Variants in CRPPA observed in about 807,000 individuals in gnomAD.
CRPPA encodes CDP-L-ribitol pyrophosphorylase A.
Under a neutral mutation model 52.0 loss-of-function variants are expected in CRPPA, and 43 were observed. The observed-to-expected ratio is 0.83, with a 90% CI of 0.65 to 1.07. CRPPA has a LOEUF of 1.07. Among genes scored for constraint, CRPPA ranks in the 50% least tolerant of loss-of-function variants. The probability of loss-of-function intolerance (pLI) is 0.00; values close to 1 mark genes in which losing one functional copy is unlikely to be tolerated. For missense variants in CRPPA, 629 were observed against 551.7 expected (o/e 1.14, Z -1.40); for synonymous variants, 250 against 203.5 (o/e 1.23, Z -1.94).
At chr7:16,286,060 T>TAGAATATTTAAAAAAAAAA (rs1562608487) in intron 5 of CRPPA, among the ~76,000 whole-genome samples, 2 of 34,688 alleles carry the variant, frequency 5.8e-5, no homozygotes, top group Admixed American at 4.0e-4. Context: ...TATATATATA[T>TAGAATATTTAAAAAAAAAA]ATATATATAT....
At chr7:16,109,242 A>G (rs1319204364) in intron 9 of CRPPA, among the ~76,000 whole-genome samples, 1 of 151,896 alleles carries the variant, frequency 6.6e-6, no homozygotes, top group Non-Finnish European at 1.5e-5. Flanking sequence ...TACAACTGAT[A>G]ACACAAAAAT....
At chr7:16,332,438 A>G (rs138545478) in intron 3 of CRPPA, among the ~76,000 whole-genome samples, 184 of 152,312 alleles carry the variant, frequency 1.2e-3, no homozygotes, top group Non-Finnish European at 2.4e-3. Context: ...AGCAAAATGT[A>G]TTTCTTCTTA....
intron 9 of CRPPA, chr7:16,210,753 T>C (rs555403791): frequency 1.2e-4 from 19 of 152,178 alleles, no homozygotes; most frequent in African/African-American, 2.9e-4. Flanking sequence ...TTTAAAGAAA[T>C]TCGCTCATTA....
chr7:16,239,871 A>C (rs972464309), intron 8 of CRPPA, among the ~76,000 whole-genome samples: 24 of 152,280 alleles, frequency 1.6e-4, no homozygotes, highest in African/African-American at 3.8e-4. Context: ...AATCAAGAAA[A>C]ATTTACTCAT....
intron 5 of CRPPA, among the ~76,000 whole-genome samples, chr7:16,286,036 A>AATATAT (rs1784424841): frequency 1.1e-3 from 21 of 18,804 alleles, no homozygotes; most frequent in Non-Finnish European, 1.8e-3. Flanking sequence ...AAAAAAAAAA[A>AATATAT]AAATATAAAT....
rs1291725265 is a variant in CRPPA, at chr7:16,346,439, T to A, written c.684+29653A>T. 2.0e-5 allele frequency among the ~76,000 whole-genome samples: 3 copies of A among 152,200 alleles called. No homozygotes were observed. The East Asian group carries it at 5.8e-4, about 29-fold the overall frequency. Reference sequence around the variant, plus strand: ...TCAGTTGAGAAAAAGATGCGGTCAGTCAGGCTTGTAATGTGCTAAAACCAC... The same window carrying A: ...TCAGTTGAGAAAAAGATGCGGTCAGACAGGCTTGTAATGTGCTAAAACCAC... On this transcript the variant is annotated intron_variant, in intron 3 of 9. Transcript: ENST00000407010.
At chr7:16,124,329 T>C (rs866830011) in intron 9 of CRPPA, among the ~76,000 whole-genome samples, 1 of 152,122 alleles carries the variant, frequency 6.6e-6, no homozygotes, top group Non-Finnish European at 1.5e-5. Context: ...GTTGGCCATT[T>C]GTATTATTTT....
intron 8 of CRPPA, among the ~76,000 whole-genome samples, chr7:16,251,715 C>T (rs1294959330): frequency 2.0e-5 from 3 of 152,108 alleles, no homozygotes; most frequent in African/African-American, 7.2e-5. Flanking sequence ...ATCTCTGGGA[C>T]ATATTTAAAG....
intron 3 of CRPPA, among the ~76,000 whole-genome samples, chr7:16,374,890 G>T (rs1018238330): frequency 1.3e-5 from 2 of 152,008 alleles, no homozygotes; most frequent in Non-Finnish European, 2.9e-5. Context: ...ATGTATAAAA[G>T]TTCCTCCAAA....
At chr7:16,327,068 C>A (rs1785412590) in intron 3 of CRPPA, among the ~76,000 whole-genome samples, 1 of 152,088 alleles carries the variant, frequency 6.6e-6, no homozygotes, top group South Asian at 2.1e-4. Flanking sequence ...CACAACTTAA[C>A]TTTTTGTTCT....
chr7:16,152,064 T>C (rs1418334760), intron 9 of CRPPA, among the ~76,000 whole-genome samples: 4 of 151,926 alleles, frequency 2.6e-5, no homozygotes, highest in Non-Finnish European at 5.9e-5. Flanking sequence ...CCTCCATAAA[T>C]AATTTTTAAA....
chr7:16,210,725 T>C (rs1782110588), intron 9 of CRPPA: 1 of 152,098 alleles, frequency 6.6e-6, no homozygotes, highest in Admixed American at 6.6e-5. Flanking sequence ...TATATAGTAA[T>C]AGCTAACAAA....
chr7:16,362,000 A>G (rs1444210660), intron 3 of CRPPA, among the ~76,000 whole-genome samples: 1 of 150,792 alleles, frequency 6.6e-6, no homozygotes, highest in Non-Finnish European at 1.5e-5. Flanking sequence ...GACTACAGGC[A>G]CCTGCCATCA....
At chr7:16,322,810 A>T (rs1381812962) in intron 3 of CRPPA, among the ~76,000 whole-genome samples, 2 of 152,176 alleles carry the variant, frequency 1.3e-5, no homozygotes, top group Non-Finnish European at 2.9e-5. Context: ...GCTATGAAGA[A>T]ATACCCGAGA....
intron 3 of CRPPA, among the ~76,000 whole-genome samples, chr7:16,314,351 G>C (rs1313648905): frequency 6.6e-6 from 1 of 151,970 alleles, no homozygotes; most frequent in African/African-American, 2.4e-5. Context: ...TAGGGCAAGT[G>C]TCTTATAAAA....
At chr7:16,211,638 T>A (rs532583135) in intron 9 of CRPPA, among the ~76,000 whole-genome samples, 1 of 152,214 alleles carries the variant, frequency 6.6e-6, no homozygotes, top group South Asian at 2.1e-4. Context: ...CAAAGGATCA[T>A]GCATACTTAA....
intron 3 of CRPPA, among the ~76,000 whole-genome samples, chr7:16,358,102 G>C (rs977980442): frequency 6.6e-6 from 1 of 152,156 alleles, no homozygotes; most frequent in African/African-American, 2.4e-5. Flanking sequence ...ATCTCCATGA[G>C]GGTTTACACA....
chr7:16,146,154 G>A (rs1010768779), intron 9 of CRPPA, among the ~76,000 whole-genome samples: 1 of 151,554 alleles, frequency 6.6e-6, no homozygotes, highest in East Asian at 1.9e-4. Flanking sequence ...AAGAGAAAAC[G>A]GGAAAATGTA....
At chr7:16,166,484 T>G (rs903544402) in intron 9 of CRPPA, among the ~76,000 whole-genome samples, 3 of 152,146 alleles carry the variant, frequency 2.0e-5, no homozygotes, top group Non-Finnish European at 2.9e-5. Context: ...TTCACCTTGT[T>G]GGCCAGGCTA....
Sources: gnomAD v4.1 joint callset for allele counts (sites outside exome capture counted in the v4.1 genomes callset) on GRCh38, gnomAD v4.1.1 for gene constraint, MANE v1.5 for transcripts, NCBI Gene and HGNC (gene_info 2026-07-23, HGNC 2026-07-21) for gene names.